PLCB1: variants seen among roughly 807,000 people sequenced by gnomAD.
PLCB1 encodes phospholipase C beta 1.
Under a neutral mutation model 161.8 loss-of-function variants are expected in PLCB1, and 46 were observed. The observed-to-expected ratio is 0.28, with a 90% CI of 0.22 to 0.36. The LOEUF is 0.36. PLCB1 is among the 10% of genes least tolerant of loss of function. The pLI, the probability that PLCB1 is intolerant of heterozygous loss-of-function variation, is 1.00. For missense variants in PLCB1, 1,016 were observed against 1,472.5 expected, an observed-to-expected ratio of 0.69 and a Z score of 5.07; for synonymous variants, 517 against 503.7, an observed-to-expected ratio of 1.03 and a Z score of -0.35.
intron 3 of PLCB1, among the ~76,000 whole-genome samples, chr20:8,379,047 T>C (rs911014880): frequency 1.4e-4 from 22 of 152,188 alleles, no homozygotes; most frequent in Admixed American, 9.2e-4. Context: ...GGTATACGCA[T>C]GCCATGGTGG....
At chr20:8,189,132 CT>C (rs1386133408) in intron 2 of PLCB1, among the ~76,000 whole-genome samples, 1 of 151,550 alleles carries the variant, frequency 6.6e-6, no homozygotes, top group East Asian at 1.9e-4. Context: ...ATCATGCAAT[CT>C]TTTTTTTCTG....
chr20:8,495,656 C>T (rs1053330810), intron 3 of PLCB1, among the ~76,000 whole-genome samples: 2 of 84,474 alleles, frequency 2.4e-5, no homozygotes, highest in African/African-American at 4.3e-5. Context: ...CTTGGCCTTC[C>T]GAAGTGCTGG....
At chr20:8,164,381 T>G (rs1174678381) in intron 2 of PLCB1, among the ~76,000 whole-genome samples, 1 of 152,220 alleles carries the variant, frequency 6.6e-6, no homozygotes, top group Non-Finnish European at 1.5e-5. Context: ...CGTAGAGCTG[T>G]GCTGTCTCAT....
At chr20:8,176,822 A>C (rs1483599313) in intron 2 of PLCB1, among the ~76,000 whole-genome samples, 2 of 152,154 alleles carry the variant, frequency 1.3e-5, no homozygotes, top group African/African-American at 4.8e-5. Context: ...TAATTATCTC[A>C]ATAAAATTTC....
At chr20:8,566,679 T>C (rs1820251823) in intron 3 of PLCB1, among the ~76,000 whole-genome samples, 2 of 152,152 alleles carry the variant, frequency 1.3e-5, no homozygotes, top group Admixed American at 6.6e-5. Flanking sequence ...TGTTGTAACA[T>C]AAATTTAGTG....
chr20:8,867,700 C>T (rs1389670516), intron 31 of PLCB1, among the ~76,000 whole-genome samples: 3 of 152,084 alleles, frequency 2.0e-5, no homozygotes, highest in Admixed American at 6.5e-5. Context: ...TCAGTTGGGC[C>T]TTTTATTGGA....
At chr20:8,565,247 A>G (rs1028827152) in intron 3 of PLCB1, among the ~76,000 whole-genome samples, 2 of 152,112 alleles carry the variant, frequency 1.3e-5, no homozygotes, top group Middle Eastern at 3.2e-3. Flanking sequence ...ACAGAAAACC[A>G]AACACCACAT....
chr20:8,792,737 G>C (rs151144730), intron 31 of PLCB1: 2 of 430,488 alleles, frequency 4.6e-6, no homozygotes, highest in South Asian at 3.5e-5. Context: ...GCTTAAAAAC[G>C]TTGTGCCTTA....
intron 2 of PLCB1, among the ~76,000 whole-genome samples, chr20:8,295,547 T>C (rs1983587768): frequency 6.6e-6 from 1 of 152,110 alleles, no homozygotes; most frequent in African/African-American, 2.4e-5. Context: ...GGACCAAATC[T>C]ATGTTTGCTA....
At chr20:8,266,992 G>A (rs554289039) in intron 2 of PLCB1, among the ~76,000 whole-genome samples, 6 of 150,488 alleles carry the variant, frequency 4.0e-5, no homozygotes, top group South Asian at 2.1e-4. Flanking sequence ...AGCCTAGATC[G>A]TGCCATTGTA....
intron 3 of PLCB1, among the ~76,000 whole-genome samples, chr20:8,437,846 A>G (rs1421230022): frequency 6.6e-6 from 1 of 152,224 alleles, no homozygotes; most frequent in Non-Finnish European, 1.5e-5. Flanking sequence ...GAAATCCTTG[A>G]AAACTTAGTA....
chr20:8,297,170 T>C (rs1022356308), intron 2 of PLCB1, among the ~76,000 whole-genome samples: 10 of 152,178 alleles, frequency 6.6e-5, no homozygotes, highest in Admixed American at 6.5e-4. Context: ...TATGTGCATA[T>C]GCATGTATAC....
At chr20:8,577,238 G>GCTAATA (rs998737047) in intron 3 of PLCB1, among the ~76,000 whole-genome samples, 1 of 150,942 alleles carries the variant, frequency 6.6e-6, no homozygotes, top group Admixed American at 6.6e-5. Flanking sequence ...GACCATCCTG[G>GCTAATA]CTAACATGGT....
intron 3 of PLCB1, among the ~76,000 whole-genome samples, chr20:8,393,008 T>C (rs540198777): frequency 6.6e-6 from 1 of 152,262 alleles, no homozygotes; most frequent in African/African-American, 2.4e-5. Flanking sequence ...TTAATGTCCA[T>C]AGAGATTTCA....
At chr20:8,326,532 A>G (rs1985161157) in intron 2 of PLCB1, among the ~76,000 whole-genome samples, 1 of 152,184 alleles carries the variant, frequency 6.6e-6, no homozygotes, top group Non-Finnish European at 1.5e-5. Context: ...CTTTTTTATG[A>G]CTGACAAAAT....
At chr20:8,228,747 CTTGT>C (rs1370346891) in intron 2 of PLCB1, among the ~76,000 whole-genome samples, 2 of 151,920 alleles carry the variant, frequency 1.3e-5, no homozygotes, top group Non-Finnish European at 2.9e-5. Flanking sequence ...GAACTCTCCA[CTTGT>C]TTTTCAGTTT....
At chr20:8,666,598 G>A (rs182567073) in intron 9 of PLCB1, among the ~76,000 whole-genome samples, 11 of 152,302 alleles carry the variant, frequency 7.2e-5, no homozygotes, top group Admixed American at 7.2e-4. Context: ...GAGGCAGTTT[G>A]CAGAAATGGC....
At chr20:8,237,359 A>G (rs770257763) in intron 2 of PLCB1, among the ~76,000 whole-genome samples, 1 of 152,052 alleles carries the variant, frequency 6.6e-6, no homozygotes, top group Non-Finnish European at 1.5e-5. Context: ...TGCAGATTAC[A>G]AAGGAAAATG....
At chr20:8,697,476 C>T in intron 10 of PLCB1, 150 bp from the exon 11 acceptor site, 1 of 720,554 alleles carries the variant, frequency 1.4e-6, no homozygotes, top group Non-Finnish European at 2.4e-6. Flanking sequence ...CCATTACCTT[C>T]TGGTATGTTG....
Sources: allele counts gnomAD v4.1 joint callset (sites outside exome capture counted in the v4.1 genomes callset), GRCh38; gene constraint gnomAD v4.1.1; transcripts MANE v1.5; gene names NCBI Gene and HGNC (gene_info 2026-07-23, HGNC 2026-07-21).